IPO8: variants seen among roughly 807,000 people sequenced by gnomAD.
The protein encoded by IPO8 is importin-8.
In IPO8, 65 loss-of-function variants were observed where a neutral mutation model predicts 141.2. That is an observed-to-expected ratio of 0.46 (90% CI 0.38 to 0.57). The LOEUF (loss-of-function observed/expected upper bound fraction) is 0.57. Among genes scored for constraint, IPO8 ranks in the 20% least tolerant of loss-of-function variants. The probability of loss-of-function intolerance (pLI) is 0.00; values close to 1 mark genes in which losing one functional copy is unlikely to be tolerated. For synonymous variants in IPO8, 411 were observed against 420.3 expected (o/e 0.98, Z 0.27); for missense variants, 980 against 1,246.8 (o/e 0.79, Z 3.22).
At chr12:30,683,598 G>A (rs935048327) in intron 3 of IPO8, among the ~76,000 whole-genome samples, 1 of 152,162 alleles carries the variant, frequency 6.6e-6, no homozygotes, top group African/African-American at 2.4e-5. Flanking sequence ...TAGAGCAGCT[G>A]CTAGTTAAAT....
chr12:30,631,771 A>G (rs2052436000), intron 24 of IPO8, 124 bp downstream of exon 24: 2 of 649,550 alleles, frequency 3.1e-6, no homozygotes, highest in African/African-American at 3.6e-5. Context: ...ATTCCTTATT[A>G]TCTTAAAGGG....
chr12:30,661,754 C>G (rs1161603163), intron 15 of IPO8, among the ~76,000 whole-genome samples: 2 of 150,598 alleles, frequency 1.3e-5, no homozygotes, highest in African/African-American at 4.9e-5. Context: ...AAAAGTAAAA[C>G]AATAAATTGC....
chr12:30,640,452 A>T (rs903033460), intron 20 of IPO8, among the ~76,000 whole-genome samples: 3 of 152,102 alleles, frequency 2.0e-5, no homozygotes, highest in Non-Finnish European at 4.4e-5. Flanking sequence ...GCCAAATTGG[A>T]TATATATTTG....
intron 20 of IPO8, 76 bp from the exon 21 acceptor site, chr12:30,639,811 C>A: frequency 1.0e-6 from 1 of 978,224 alleles, no homozygotes; most frequent in Non-Finnish European, 1.6e-6. Context: ...ATTGGCAGAG[C>A]ATTCTCAATA....
At chr12:30,689,443 A>C (rs1307500976) in intron 2 of IPO8, among the ~76,000 whole-genome samples, 1 of 152,192 alleles carries the variant, frequency 6.6e-6, no homozygotes, top group Non-Finnish European at 1.5e-5. Context: ...ATTTACACAG[A>C]AGTCTTGTAA....
At chr12:30,665,185 A>C (rs781024272) in intron 13 of IPO8, 35 bp downstream of exon 13, 5 of 1,131,590 alleles carry the variant, frequency 4.4e-6, no homozygotes, top group African/African-American at 1.6e-5. Context: ...TCTTATGAAG[A>C]TTTAAGATAC....
At chr12:30,661,903 T>C (rs2052892626) in intron 15 of IPO8, among the ~76,000 whole-genome samples, 1 of 152,186 alleles carries the variant, frequency 6.6e-6, no homozygotes, top group Non-Finnish European at 1.5e-5. Context: ...ACTATAGTAA[T>C]ATCAGAATAA....
In IPO8 at chr12:30,695,469, G is replaced by T. The variant is rs547719685; in HGVS notation, c.84+95C>A. 2 of 1,092,914 alleles carry T rather than the reference G, an allele frequency of 1.8e-6. No individual in the cohort carries two copies. Among genetic ancestry groups the T allele is most frequent in the African/African-American group, 1.5e-5 (1 of 64,560 alleles). 67.7% of individuals were successfully genotyped at this position (1,092,914 alleles called of 1,614,324 possible). On this transcript the variant is annotated intron_variant, in intron 1 of 24. Coordinates refer to ENST00000256079, the MANE Select transcript of IPO8 (RefSeq NM_006390.4). This position sits in a 1 kb window ranked among gnomAD's most constrained non-coding sequence, Gnocchi z 4.2. ...GTGAGGCGTCAGCCCCAGCCCGGTG[G>T]GGGTGAGGACGAGGGGCGCCGGGGA...
At position 30,656,664 on chromosome 12, in the gene IPO8, T is replaced by C; in HGVS notation, c.1948+20A>G. 1.4e-6 allele frequency: 2 copies of C among 1,463,760 alleles called. No homozygotes were observed. Among genetic ancestry groups the C allele is most frequent in the Non-Finnish European group, 1.9e-6 (2 of 1,075,934 alleles). 90.7% of individuals were successfully genotyped at this position (1,463,760 alleles called of 1,614,324 possible). A position where few individuals can be genotyped will look rare whatever the true frequency, so the allele number is the denominator to read the frequency against. On this transcript the variant is annotated intron_variant, in intron 17 of 24. Transcript: ENST00000256079. ...TTAAAATTTTTTCAATTTATCTTTT[T>C]ATTTAACCTTTGAACTTACCAATTA...
At position 30,630,466 on chromosome 12, in the gene IPO8, A is replaced by C. The variant is rs2052415582; in HGVS notation, c.*394T>G. ...TTTAAAAAAAATTGCAATGCACTCC[A>C]AAAATTTTTTTCTGATAATTCATGT... On this transcript the variant is annotated 3_prime_UTR_variant, in exon 25 of 25. Coordinates refer to ENST00000256079, the MANE Select transcript of IPO8 (RefSeq NM_006390.4). 1 of 172,622 alleles carries C rather than the reference A, an allele frequency of 5.8e-6. No individual in the cohort carries two copies. Among genetic ancestry groups the C allele is most frequent in the South Asian group, 2.0e-4 (1 of 5,066 alleles). The allele number at this position is 172,622 out of a possible 1,614,324, so 10.7% of individuals were successfully genotyped here. A position where few individuals can be genotyped will look rare whatever the true frequency, so the allele number is the denominator to read the frequency against.
chr12:30,636,773 T>G (rs1392947388), intron 22 of IPO8, among the ~76,000 whole-genome samples: 1 of 151,890 alleles, frequency 6.6e-6, no homozygotes. Flanking sequence ...AACCGCTGAG[T>G]ATATTAGGTG....
intron 19 of IPO8, among the ~76,000 whole-genome samples, chr12:30,651,922 G>C (rs2052732319): frequency 6.6e-6 from 1 of 151,902 alleles, no homozygotes; most frequent in African/African-American, 2.4e-5. Context: ...AATTTTCCTA[G>C]CACTTCAATC....
intron 5 of IPO8, among the ~76,000 whole-genome samples, chr12:30,679,168 C>T (rs2053159379): frequency 6.6e-6 from 1 of 152,110 alleles, no homozygotes; most frequent in Non-Finnish European, 1.5e-5. Flanking sequence ...AAATTGTCTG[C>T]TCCTTCTCAT....
chr12:30,635,733 G>A (rs1214546484), intron 22 of IPO8, among the ~76,000 whole-genome samples: 4 of 152,066 alleles, frequency 2.6e-5, no homozygotes, highest in Non-Finnish European at 5.9e-5. Flanking sequence ...GAACTAGGTA[G>A]TTTTAGGAAT....
intron 13 of IPO8, 147 bp from the exon 14 acceptor site, chr12:30,663,801 T>C (rs1004928034): frequency 6.4e-5 from 32 of 497,090 alleles, no homozygotes; most frequent in Non-Finnish European, 1.0e-4. Flanking sequence ...AGTTTCTAAC[T>C]TCTACATCCC....
intron 12 of IPO8, 117 bp downstream of exon 12, chr12:30,665,612 G>A (rs1413958848): frequency 3.0e-6 from 2 of 675,026 alleles, no homozygotes; most frequent in African/African-American, 3.6e-5. Context: ...GAGGATAGTT[G>A]TGAACTCAAT....
rs530527069 is a variant in IPO8 at position 30,640,403 on chromosome 12, T to C, written c.2269-668A>G. Reference sequence around the variant, plus strand: ...CTTTTAAAAAAATCAAGGTTTTGTGTAGAAAGTTGAGTTATATTTATTATT... The same window carrying C: ...CTTTTAAAAAAATCAAGGTTTTGTGCAGAAAGTTGAGTTATATTTATTATT... On this transcript the variant is annotated intron_variant, in intron 20 of 24. Coordinates refer to ENST00000256079, the MANE Select transcript of IPO8 (RefSeq NM_006390.4). Among the ~76,000 whole-genome samples, 9 of 101,696 alleles carry C rather than the reference T, an allele frequency of 8.8e-5. No individual in the cohort carries two copies. In the East Asian group the frequency reaches 1.9e-3, roughly 22 times the overall value. 66.7% of individuals were successfully genotyped at this position (101,696 alleles called of 152,430 possible). A position where few individuals can be genotyped will look rare whatever the true frequency, so the allele number is the denominator to read the frequency against.
intron 12 of IPO8, 69 bp downstream of exon 12, chr12:30,665,660 C>G: frequency 3.1e-6 from 3 of 980,812 alleles, no homozygotes; most frequent in South Asian, 2.8e-5. Context: ...TTAGCCATAA[C>G]TTTCATATTC....
chr12:30,685,951 A>G (rs2053238814), intron 2 of IPO8, among the ~76,000 whole-genome samples: 1 of 152,054 alleles, frequency 6.6e-6, no homozygotes, highest in African/African-American at 2.4e-5. Context: ...ACTATACCAT[A>G]AAGAATACAC....
Sources: allele counts gnomAD v4.1 joint callset (sites outside exome capture counted in the v4.1 genomes callset), GRCh38; gene constraint gnomAD v4.1.1; non-coding constraint Gnocchi (gnomAD v3.1); transcripts MANE v1.5; gene names NCBI Gene and HGNC (gene_info 2026-07-23, HGNC 2026-07-21).